Variants in KANSL1 observed in about 807,000 individuals in gnomAD.
KANSL1 encodes the protein MLL1/MLL complex subunit KANSL1.
KANSL1 carries 22 observed loss-of-function variants against 103.6 expected under a neutral mutation model. The observed-to-expected ratio is 0.21, with a 90% confidence interval of 0.15 to 0.30. The LOEUF is 0.30. KANSL1 is among the 10% of genes least tolerant of loss of function. The pLI is 1.00. For synonymous variants in KANSL1, 600 were observed against 527.6 expected (o/e 1.14, Z -1.88); for missense variants, 1,337 against 1,399.8 (o/e 0.96, Z 0.72).
chr17:46,128,694 T>C (rs947935839), intron 2 of KANSL1, among the ~76,000 whole-genome samples: 15 of 152,178 alleles, frequency 9.9e-5, no homozygotes, highest in Non-Finnish European at 2.2e-4. Context: ...ATACTTAGCT[T>C]GTTGAGCAAG....
intron 1 of KANSL1, among the ~76,000 whole-genome samples, chr17:46,215,502 AGAC>A (rs1236716721): frequency 1.3e-5 from 2 of 152,246 alleles, no homozygotes; most frequent in Non-Finnish European, 2.9e-5. Flanking sequence ...AATGATTACA[AGAC>A]AACAGAAGGT....
intron 4 of KANSL1, among the ~76,000 whole-genome samples, chr17:46,075,160 T>C (rs1198524902): frequency 6.6e-6 from 1 of 152,178 alleles, no homozygotes; most frequent in Non-Finnish European, 1.5e-5. Context: ...AGAAAGGACA[T>C]TAATAAGAAA....
intron 6 of KANSL1, among the ~76,000 whole-genome samples, chr17:46,062,114 C>CAAAAAAAA (rs1192815524): frequency 8.1e-5 from 3 of 37,126 alleles, no homozygotes; most frequent in Non-Finnish European, 1.9e-4. Context: ...AAAAAACAAA[C>CAAAAAAAA]AAACAAAAAA....
chr17:46,091,765 C>T (rs1206867136), intron 3 of KANSL1, among the ~76,000 whole-genome samples: 1 of 144,676 alleles, frequency 6.9e-6, no homozygotes, highest in African/African-American at 2.5e-5. Context: ...AAGTGAATAG[C>T]AGGCCATACC....
At chr17:46,088,024 A>G (rs1387293151) in intron 3 of KANSL1, among the ~76,000 whole-genome samples, 3 of 152,234 alleles carry the variant, frequency 2.0e-5, no homozygotes, top group Non-Finnish European at 2.9e-5. Flanking sequence ...AACCGGTAGA[A>G]GCCGAAGAAA....
At position 46,142,014 on chromosome 17, in the gene KANSL1, G is replaced by A. The variant is rs577198941; in HGVS notation, c.1289+28841C>T. On this transcript the variant is annotated intron_variant, in intron 2 of 14. Coordinates refer to ENST00000432791, the MANE Select transcript of KANSL1 (RefSeq NM_015443.4). Reference sequence around the variant, plus strand: ...AGCGATTCTCCAGCCTCAGCCTCCCGAGCAGCTGGGATTACAGGTGTGTGC... The same window carrying A: ...AGCGATTCTCCAGCCTCAGCCTCCCAAGCAGCTGGGATTACAGGTGTGTGC... 3.9e-5 allele frequency among the ~76,000 whole-genome samples: 6 copies of A among 152,236 alleles called. No homozygotes were observed. In the East Asian group the frequency reaches 5.8e-4, roughly 15 times the overall value.
At chr17:46,221,045 T>G (rs1441145473) in intron 1 of KANSL1, 1 of 150,762 alleles carries the variant, frequency 6.6e-6, no homozygotes, top group East Asian at 1.9e-4. Flanking sequence ...TATCTTTTTC[T>G]CCTGTTTTTT....
chr17:46,141,245 A>C (rs1224403983), intron 2 of KANSL1, among the ~76,000 whole-genome samples: 2 of 152,226 alleles, frequency 1.3e-5, no homozygotes, highest in African/African-American at 4.8e-5. Context: ...AAGGTGAAGC[A>C]AATGCATTAA....
At position 46,066,620 on chromosome 17, in the gene KANSL1, C is replaced by T. The variant is rs1357621164; in HGVS notation, c.1765G>A (p.Val589Met). The T allele has an allele frequency of 6.2e-7, 1 of 1,614,170 alleles. No homozygotes were observed. The change falls in exon 6 of 15, where the codon GTG becomes ATG. Residue 589 changes from valine (V) to methionine (M), a missense_variant. By Grantham distance (21) the Val-to-Met change is conservative (BLOSUM62 1). Transcript: ENST00000432791. ...LVSSSSDGTCVAARTRPVLSC... is the reference protein window; with the variant it reads ...LVSSSSDGTCMAARTRPVLSC... ...AGTACAGGACGTGTCCGGGCTGCCA[C>T]ACAGGTGCCATCAGATGATGAAGAG... is the stretch of plus-strand genomic sequence containing the variant.
chr17:46,120,849 C>T (rs1035137244), intron 2 of KANSL1, among the ~76,000 whole-genome samples: 3 of 152,082 alleles, frequency 2.0e-5, no homozygotes, highest in African/African-American at 7.2e-5. Flanking sequence ...TATGCAATAC[C>T]AAAAAATACA....
intron 2 of KANSL1, among the ~76,000 whole-genome samples, chr17:46,151,284 A>C (rs979647198): frequency 7.2e-5 from 11 of 152,222 alleles, no homozygotes; most frequent in African/African-American, 2.7e-4. Context: ...GGGCTTACTG[A>C]TGAAAATCCA....
At chr17:46,221,496 AAC>A (rs569330209) in intron 1 of KANSL1, 187 of 148,394 alleles carry the variant, frequency 1.3e-3, no homozygotes, top group Non-Finnish European at 2.0e-3. Context: ...ACAGACCCCT[AAC>A]ACAGAGAAAA....
chr17:46,146,772 G>A lies in KANSL1; in HGVS notation c.1289+24083C>T, dbSNP rs536388203. On this transcript the variant is annotated intron_variant, in intron 2 of 14. Transcript: ENST00000432791. ...GGCGTGAACCCGGGAGGCGGAGCTT[G>A]CAGTGAGCCGAGATCCCGCCACTGC... Among the ~76,000 whole-genome samples, 369 of 107,914 alleles carry A rather than the reference G, an allele frequency of 3.4e-3. 38 individuals are homozygous for A. Among genetic ancestry groups the A allele is most frequent in the Non-Finnish European group, 7.2e-3 (297 of 41,520 alleles). The allele number at this position is 107,914 out of a possible 152,430, so 70.8% of individuals were successfully genotyped here.
intron 2 of KANSL1, among the ~76,000 whole-genome samples, chr17:46,156,336 G>A (rs1472043029): frequency 6.6e-6 from 1 of 152,170 alleles, no homozygotes; most frequent in Non-Finnish European, 1.5e-5. Context: ...GACAGACCGA[G>A]ATTCTGTCTC....
intron 2 of KANSL1, among the ~76,000 whole-genome samples, chr17:46,163,193 G>A (rs1012289757): frequency 2.6e-5 from 4 of 152,218 alleles, no homozygotes; most frequent in Non-Finnish European, 4.4e-5. Flanking sequence ...GACAAGGATT[G>A]TATCTTTCTT....
intron 2 of KANSL1, among the ~76,000 whole-genome samples, chr17:46,101,702 C>T (rs2147016625): frequency 7.8e-6 from 1 of 127,600 alleles, no homozygotes; most frequent in African/African-American, 3.1e-5. Flanking sequence ...TACAGTGAGT[C>T]GAGATCGTGC....
At chr17:46,091,573 G>C (rs186345901) in intron 3 of KANSL1, among the ~76,000 whole-genome samples, 45 of 152,172 alleles carry the variant, frequency 3.0e-4, no homozygotes, top group African/African-American at 9.9e-4. Context: ...TCCATTCATG[G>C]TAAGTGCCCT....
At chr17:46,051,247 G>GT (rs2077702762) in intron 6 of KANSL1, among the ~76,000 whole-genome samples, 1 of 152,158 alleles carries the variant, frequency 6.6e-6, no homozygotes, top group African/African-American at 2.4e-5. Flanking sequence ...CCTGAAGCTT[G>GT]TAACTTAAAA....
chr17:46,102,828 T>TG (rs1297038739), intron 2 of KANSL1, among the ~76,000 whole-genome samples: 1 of 152,236 alleles, frequency 6.6e-6, no homozygotes, highest in East Asian at 1.9e-4. Flanking sequence ...TACAATTTAA[T>TG]GGGGCAGATA....
Sources: allele counts gnomAD v4.1 joint callset (sites outside exome capture counted in the v4.1 genomes callset), GRCh38; gene constraint gnomAD v4.1.1; transcripts MANE v1.5; gene names NCBI Gene and HGNC (gene_info 2026-07-23, HGNC 2026-07-21).